MTA3: variants seen among roughly 807,000 people sequenced by gnomAD.
MTA3 encodes metastasis associated 1 family member 3.
Under a neutral mutation model 83.5 loss-of-function variants are expected in MTA3, and 34 were observed. The ratio of observed to expected loss-of-function variants is 0.41; its 90% CI spans 0.31 to 0.54. The LOEUF (loss-of-function observed/expected upper bound fraction) is 0.54, where lower values mean the gene tolerates loss of function less well. Ranked by LOEUF, MTA3 falls within the 20% of genes least tolerant of loss-of-function variation. The pLI, the probability that MTA3 is intolerant of heterozygous loss-of-function variation, is 0.33. For synonymous variants in MTA3, 303 were observed against 252.7 expected (o/e 1.20, Z -1.89); for missense variants, 761 against 726.4 (o/e 1.05, Z -0.55).
intron 3 of MTA3, among the ~76,000 whole-genome samples, chr2:42,586,160 C>A (rs1427611366): frequency 6.6e-6 from 1 of 151,712 alleles, no homozygotes; most frequent in Non-Finnish European, 1.5e-5. Flanking sequence ...GCCTGTAATT[C>A]CAGCTGCTTG....
chr2:42,504,483 C>T (rs1674541605), intron 2 of MTA3, among the ~76,000 whole-genome samples: 1 of 152,128 alleles, frequency 6.6e-6, no homozygotes, highest in South Asian at 2.1e-4. Flanking sequence ...TCAGGTGATC[C>T]AGCTGCCTCG....
At chr2:42,528,472 G>A (rs1412000015) in intron 2 of MTA3, among the ~76,000 whole-genome samples, 1 of 152,026 alleles carries the variant, frequency 6.6e-6, no homozygotes, top group East Asian at 1.9e-4. Flanking sequence ...CACCCGCCTC[G>A]GCCTCCCAAA....
chr2:42,684,625 CA>C (rs1156668306), intron 9 of MTA3, among the ~76,000 whole-genome samples: 1 of 152,090 alleles, frequency 6.6e-6, no homozygotes, highest in Non-Finnish European at 1.5e-5. Flanking sequence ...TGAAACCTAA[CA>C]AATCAAATCT....
chr2:42,644,806 A>G (rs1688021667), intron 6 of MTA3, among the ~76,000 whole-genome samples: 2 of 152,146 alleles, frequency 1.3e-5, no homozygotes, highest in African/African-American at 4.8e-5. Context: ...CCGTACCCAT[A>G]TGAAAGGATA....
At chr2:42,549,291 T>C (rs1302654206) in intron 2 of MTA3, among the ~76,000 whole-genome samples, 1 of 121,784 alleles carries the variant, frequency 8.2e-6, no homozygotes, top group Non-Finnish European at 1.6e-5. Flanking sequence ...TAATATATAA[T>C]GTATATGTAC....
At chr2:42,750,032 G>A (rs6713154) in intron 16 of MTA3, among the ~76,000 whole-genome samples, 8 of 151,044 alleles carry the variant, frequency 5.3e-5, no homozygotes, top group African/African-American at 7.3e-5. Flanking sequence ...TCACTCTGTC[G>A]CCAGGCTGGA....
chr2:42,707,801 A>C (rs1330123677), intron 12 of MTA3, 102 bp from the exon 13 acceptor site: 2 of 1,261,278 alleles, frequency 1.6e-6, no homozygotes, highest in Non-Finnish European at 1.1e-6. Flanking sequence ...ATAACATTGT[A>C]AACTAAGCAT....
intron 14 of MTA3, among the ~76,000 whole-genome samples, chr2:42,710,792 G>T (rs1039841808): frequency 6.6e-6 from 1 of 151,986 alleles, no homozygotes; most frequent in African/African-American, 2.4e-5. Context: ...AAATAAAATG[G>T]TGAAGACCAG....
chr2:42,526,810 C>T (rs1001354352), intron 2 of MTA3, among the ~76,000 whole-genome samples: 1 of 151,976 alleles, frequency 6.6e-6, no homozygotes, highest in Non-Finnish European at 1.5e-5. Context: ...AATCCCAGCA[C>T]TTTAGGAGGC....
At chr2:42,696,301 G>GT (rs1200118509) in intron 10 of MTA3, among the ~76,000 whole-genome samples, 1 of 152,112 alleles carries the variant, frequency 6.6e-6, no homozygotes, top group African/African-American at 2.4e-5. Context: ...CTTAAATGTA[G>GT]TAGTCTTACT....
At chr2:42,661,695 C>G (rs1488631625) in intron 8 of MTA3, among the ~76,000 whole-genome samples, 1 of 151,716 alleles carries the variant, frequency 6.6e-6, no homozygotes, top group Non-Finnish European at 1.5e-5. Flanking sequence ...TTCTCATTAC[C>G]CAGAGTAGAA....
chr2:42,673,606 G>A (rs1220483653), intron 8 of MTA3, among the ~76,000 whole-genome samples: 2 of 152,156 alleles, frequency 1.3e-5, no homozygotes, highest in African/African-American at 4.8e-5. Context: ...TTTTTATGTG[G>A]GAAATTTATT....
At chr2:42,513,514 C>A (rs1377061371) in intron 2 of MTA3, among the ~76,000 whole-genome samples, 7 of 152,184 alleles carry the variant, frequency 4.6e-5, no homozygotes, top group African/African-American at 1.7e-4. Context: ...GTGTTAAAGC[C>A]TCCTGGCCAA....
intron 8 of MTA3, among the ~76,000 whole-genome samples, chr2:42,671,026 G>T (rs771950533): frequency 8.6e-5 from 13 of 151,868 alleles, no homozygotes; most frequent in Non-Finnish European, 1.9e-4. Flanking sequence ...TGAATCACTT[G>T]TGACATTTAG....
At chr2:42,708,204 G>A in intron 13 of MTA3, 150 bp downstream of exon 13, 1 of 802,668 alleles carries the variant, frequency 1.2e-6, no homozygotes, top group East Asian at 3.0e-5. Context: ...GGGTAGGTGT[G>A]GAGAGAAGCA....
At chr2:42,591,459 G>A (rs1350945735) in intron 3 of MTA3, among the ~76,000 whole-genome samples, 1 of 151,958 alleles carries the variant, frequency 6.6e-6, no homozygotes, top group Non-Finnish European at 1.5e-5. Context: ...TTATGGAAAC[G>A]TTTTCCTTCA....
At position 42,755,135 on chromosome 2, in the gene MTA3, G is replaced by A. The variant is rs890040382; in HGVS notation, c.*1736G>A. ...CAGCAAAGACCTGGGAGGAGGTGCC[G>A]CATCACGTGGATGTTTCTTCCCTAA... On this transcript the variant is annotated 3_prime_UTR_variant, in exon 17 of 17. Transcript: ENST00000405094. 24 of 985,324 alleles carry A rather than the reference G, an allele frequency of 2.4e-5. No individual in the cohort carries two copies. The African/African-American group carries it at 3.7e-4, about 15-fold the overall frequency. 61.0% of individuals were successfully genotyped at this position (985,324 alleles called of 1,614,324 possible). A position where few individuals can be genotyped will look rare whatever the true frequency, so the allele number is the denominator to read the frequency against.
intron 8 of MTA3, among the ~76,000 whole-genome samples, chr2:42,677,977 G>C (rs1691536410): frequency 1.3e-5 from 2 of 152,118 alleles, no homozygotes; most frequent in Non-Finnish European, 1.5e-5. Context: ...CATGAATAAT[G>C]GGGTACATAC....
At chr2:42,503,662 T>C (rs1200263044) in intron 2 of MTA3, among the ~76,000 whole-genome samples, 1 of 152,198 alleles carries the variant, frequency 6.6e-6, no homozygotes, top group Non-Finnish European at 1.5e-5. Context: ...TTTATTTCTA[T>C]GCTTTGAGGT....
Sources: allele counts gnomAD v4.1 joint callset (sites outside exome capture counted in the v4.1 genomes callset), GRCh38; gene constraint gnomAD v4.1.1; transcripts MANE v1.5; gene names NCBI Gene and HGNC (gene_info 2026-07-23, HGNC 2026-07-21).